Variants in PES1 observed in about 807,000 individuals in gnomAD.
PES1 encodes the protein pescadillo ribosomal biogenesis factor 1, also known as pescadillo homolog.
In PES1, 31 loss-of-function variants were observed where a neutral mutation model predicts 77.1. The observed-to-expected ratio is 0.40, with a 90% confidence interval of 0.30 to 0.54. The LOEUF is 0.54. Among genes scored for constraint, PES1 ranks in the 20% least tolerant of loss-of-function variants. PES1 has a pLI of 0.45. For synonymous variants in PES1, 282 were observed against 303.0 expected, an observed-to-expected ratio of 0.93 and a Z score of 0.72; for missense variants, 658 against 771.7, an observed-to-expected ratio of 0.85 and a Z score of 1.75.
chr22:30,581,066 C>T lies in PES1; in HGVS notation c.858G>A (p.Val286=), dbSNP rs1487296302. The T allele has an allele frequency of 6.2e-7, 1 of 1,611,412 alleles. No individual in the cohort carries two copies. Among genetic ancestry groups the T allele is most frequent in the African/African-American group, 1.3e-5 (1 of 74,910 alleles). ...CCTCCTCCTCTGTGGCAGGCACCAC[C>T]ACGCGGGCCAGGCTGGCACTGAGGG... is the stretch of plus-strand genomic sequence containing the variant. ...LAALSASLAR[V]VVPATEEEAE... is the part of the protein sequence containing the mutation. The change falls in exon 9 of 15, where the codon GTG becomes GTA. Residue 286 remains valine (V), a synonymous_variant. Transcript: ENST00000354694.
At chr22:30,582,157 G>A (rs755194543) in intron 6 of PES1, among the ~76,000 whole-genome samples, 1 of 152,360 alleles carries the variant, frequency 6.6e-6, no homozygotes, top group African/African-American at 2.4e-5. Context: ...CTAGCCCAGA[G>A]GGGCTGGCAA....
chr22:30,602,546 C>T (rs1569033739), intron 2 of PES1, among the ~76,000 whole-genome samples: 3 of 149,896 alleles, frequency 2.0e-5, no homozygotes, highest in Admixed American at 1.3e-4. Flanking sequence ...TTTTCTTTTC[C>T]TTTTTTTCTT....
intron 2 of PES1, among the ~76,000 whole-genome samples, chr22:30,600,970 A>G (rs2087346187): frequency 6.6e-6 from 1 of 152,234 alleles, no homozygotes; most frequent in African/African-American, 2.4e-5. Context: ...GGGTTTATCC[A>G]TGTGGATTAC....
At chr22:30,599,627 C>T (rs1383072313) in intron 2 of PES1, among the ~76,000 whole-genome samples, 2 of 152,094 alleles carry the variant, frequency 1.3e-5, no homozygotes, top group Non-Finnish European at 1.5e-5. Context: ...AGGCTGGGCG[C>T]GGTGGCTCAC....
chr22:30,604,313 C>G (rs1402574906), intron 2 of PES1, among the ~76,000 whole-genome samples: 1 of 152,166 alleles, frequency 6.6e-6, no homozygotes, highest in Admixed American at 6.5e-5. Flanking sequence ...ACCCAAATAG[C>G]TGTAGCATGC....
chr22:30,579,940 C>A lies in PES1; in HGVS notation c.1170-5G>T. 1 of 1,612,586 alleles carries A rather than the reference C, an allele frequency of 6.2e-7. No homozygotes were observed. The highest frequency in any genetic ancestry group is 1.1e-5 in the South Asian group (1 of 91,054). On this transcript the variant is annotated splice_region_variant and splice_polypyrimidine_tract_variant and intron_variant, in intron 11 of 14. Transcript: ENST00000354694. ...CACTGGGGCTGCACGTAGCACCTGG[C>A]GCAGAGTGGCAGGCAAAAACGAGTC...
intron 4 of PES1, 96 bp downstream of exon 4, chr22:30,587,190 G>A: frequency 2.3e-6 from 2 of 874,578 alleles, no homozygotes; most frequent in East Asian, 2.4e-5. Context: ...TCTTTGAGCA[G>A]GGTCTTGGTC....
chr22:30,583,288 C>A lies in PES1; in HGVS notation c.630+1077G>T, dbSNP rs147814846. ...CCTCTCACTCGCAAACAGGCCACAGCCTCACCACCAGACAGCCAGTCAGGG... is the reference window on the plus strand; with the variant it reads ...CCTCTCACTCGCAAACAGGCCACAGACTCACCACCAGACAGCCAGTCAGGG... On this transcript the variant is annotated intron_variant, in intron 6 of 14. Transcript: ENST00000354694. Among the ~76,000 whole-genome samples the A allele has an allele frequency of 2.3e-3, 357 of 152,316 alleles. 1 individual carries two copies. The highest frequency in any genetic ancestry group is 8.3e-3 in the African/African-American group (346 of 41,570).
At chr22:30,595,240 T>C (rs1052450444), upstream of PES1, among the ~76,000 whole-genome samples, 4 of 151,882 alleles carry the variant, frequency 2.6e-5, no homozygotes, top group Admixed American at 6.6e-5. Flanking sequence ...CTGCTTGAGG[T>C]TAAAGAACTC....
At chr22:30,601,091 C>T (rs1433419878) in intron 2 of PES1, among the ~76,000 whole-genome samples, 3 of 152,190 alleles carry the variant, frequency 2.0e-5, no homozygotes, top group Non-Finnish European at 4.4e-5. Flanking sequence ...ATTTTCTTTT[C>T]TGACCTCGAG....
chr22:30,602,219 T>C (rs552325027), intron 2 of PES1, among the ~76,000 whole-genome samples: 1 of 152,238 alleles, frequency 6.6e-6, no homozygotes, highest in African/African-American at 2.4e-5. Context: ...GTTCTCATGA[T>C]AGAGAGGGAG....
upstream of PES1, among the ~76,000 whole-genome samples, chr22:30,592,555 G>A (rs1256316060): frequency 1.3e-5 from 2 of 152,248 alleles, no homozygotes; most frequent in Non-Finnish European, 2.9e-5. Context: ...CCAGCACTTT[G>A]GGAGGCCAAG....
chr22:30,595,169 C>T (rs572019538), upstream of PES1, among the ~76,000 whole-genome samples: 1 of 152,134 alleles, frequency 6.6e-6, no homozygotes, highest in Admixed American at 6.6e-5. Flanking sequence ...TAACAAAGTC[C>T]CCTTGCTCCT....
chr22:30,579,995 C>G, intron 11 of PES1, 58 bp downstream of exon 11: 1 of 1,611,544 alleles, frequency 6.2e-7, no homozygotes, highest in Non-Finnish European at 8.5e-7. Flanking sequence ...CCTGCTGCAT[C>G]GCAGGGCCTT....
rs1018974752 is a variant in PES1, at chr22:30,581,319, C to T, written c.822+15G>A. The T allele has an allele frequency of 1.9e-6, 3 of 1,610,834 alleles. No homozygotes were observed. Among genetic ancestry groups the T allele is most frequent in the Non-Finnish European group, 1.7e-6 (2 of 1,177,506 alleles). On this transcript the variant is annotated intron_variant, in intron 8 of 14. Coordinates refer to ENST00000354694, the MANE Select transcript of PES1 (RefSeq NM_014303.4). ...CCCTTGGGAGATGCCGGATGATGCTCCTGGAGCCTCTCACCTCCATACAAC... is the reference window on the plus strand; with the variant it reads ...CCCTTGGGAGATGCCGGATGATGCTTCTGGAGCCTCTCACCTCCATACAAC...
chr22:30,593,118 A>G (rs1371872871), upstream of PES1, among the ~76,000 whole-genome samples: 1 of 152,190 alleles, frequency 6.6e-6, no homozygotes, highest in African/African-American at 2.4e-5. Flanking sequence ...GCACTGGTGA[A>G]TACTTGTTTT....
intron 9 of PES1, 137 bp from the exon 10 acceptor site, chr22:30,580,838 T>C (rs1555890600): frequency 2.2e-6 from 3 of 1,366,018 alleles, no homozygotes; most frequent in Non-Finnish European, 3.0e-6. Flanking sequence ...AAGGCCCCAC[T>C]CCTGAGCTCT....
Position 30,588,143 on chromosome 22 carries a change from G to A in PES1, c.136C>T (p.His46Tyr). 2 of 1,614,164 alleles carry A rather than the reference G, an allele frequency of 1.2e-6. No individual in the cohort carries two copies. The highest frequency in any genetic ancestry group is 1.7e-6 in the Non-Finnish European group (2 of 1,180,020). ...RLCILKGIYP[H>Y]EPKHKKKVNK... is the part of the protein sequence containing the mutation. ...ACCTTCTTCTTGTGTTTGGGTTCATGGGGATAAATGCCCTTCAGAATGCAC... is the reference window on the plus strand; with the variant it reads ...ACCTTCTTCTTGTGTTTGGGTTCATAGGGATAAATGCCCTTCAGAATGCAC... Residue 46 changes from histidine (H) to tyrosine (Y), a missense_variant, in exon 3 of 15, where the codon CAT becomes TAT. His to Tyr is a moderately conservative substitution (Grantham distance 83). Coordinates refer to ENST00000354694, the MANE Select transcript of PES1 (RefSeq NM_014303.4).
intron 13 of PES1, 38 bp downstream of exon 13, chr22:30,579,099 G>A: frequency 3.7e-6 from 6 of 1,605,708 alleles, no homozygotes; most frequent in East Asian, 2.2e-5. Context: ...AAGCAGGGCT[G>A]CTTCCCAGGC....
Sources: allele counts gnomAD v4.1 joint callset (sites outside exome capture counted in the v4.1 genomes callset), GRCh38; gene constraint gnomAD v4.1.1; transcripts MANE v1.5; gene names NCBI Gene and HGNC (gene_info 2026-07-23, HGNC 2026-07-21).